The following TENM3 variants were observed in gnomAD, a reference collection of about 807,000 sequenced individuals.
TENM3 encodes the protein teneurin transmembrane protein 3, also known as teneurin-3.
In TENM3, 63 loss-of-function variants were observed where a neutral mutation model predicts 255.1. The ratio of observed to expected loss-of-function variants is 0.25; its 90% CI spans 0.20 to 0.30. The LOEUF (loss-of-function observed/expected upper bound fraction) is 0.30. Ranked by LOEUF, TENM3 falls within the 10% of genes least tolerant of loss-of-function variation. The probability of loss-of-function intolerance (pLI) is 1.00; values close to 1 mark genes in which losing one functional copy is unlikely to be tolerated. For synonymous variants in TENM3, 1,306 were observed against 1,322.3 expected (o/e 0.99, Z 0.27); for missense variants, 2,929 against 3,461.1 (o/e 0.85, Z 3.86).
chr4:181,616,281 C>G, the TENM3 span, among the ~76,000 whole-genome samples: 1 of 84,062 alleles, frequency 1.2e-5, no homozygotes, highest in African/African-American at 4.8e-5. Context: ...TAAAGGTTTC[C>G]AAAAAAAAAA....
rs933077218 is a variant in TENM3, at chr4:182,341,269, C to A, written c.233-5382C>A. On this transcript the variant is annotated intron_variant, in intron 2 of 27. Coordinates refer to ENST00000511685, the MANE Select transcript of TENM3 (RefSeq NM_001080477.4). The stretch of plus-strand genomic sequence containing the variant: ...GTTTTTAAATTATTGAAATAATTAT[C>A]ATGAGAAGTAAAAATTCAAAACTAT... Among the ~76,000 whole-genome samples the A allele has an allele frequency of 1.1e-4, 17 of 152,148 alleles. No homozygotes were observed. The South Asian group carries it at 3.5e-3, about 32-fold the overall frequency.
At chr4:182,696,607 C>T (rs1757444141) in intron 12 of TENM3, among the ~76,000 whole-genome samples, 2 of 152,058 alleles carry the variant, frequency 1.3e-5, no homozygotes, top group African/African-American at 4.8e-5. Flanking sequence ...CGCCTGTAAT[C>T]CCAGCTACTT....
intron 5 of TENM3, among the ~76,000 whole-genome samples, chr4:182,651,558 G>A (rs1293921513): frequency 1.3e-5 from 2 of 152,100 alleles, no homozygotes; most frequent in African/African-American, 2.4e-5. Context: ...TTAGCTGGGC[G>A]TGGCGGCGTG....
intron 3 of TENM3, among the ~76,000 whole-genome samples, chr4:182,534,006 G>A (rs528638232): frequency 9.8e-5 from 15 of 152,292 alleles, no homozygotes; most frequent in African/African-American, 2.9e-4. Context: ...GTAACATTAA[G>A]TGCTTTCAGT....
chr4:181,985,540 T>G, the TENM3 span, among the ~76,000 whole-genome samples: 1 of 152,150 alleles, frequency 6.6e-6, no homozygotes, highest in Non-Finnish European at 1.5e-5. Flanking sequence ...GAGAATCTGA[T>G]GATATACTAA....
upstream of TENM3, among the ~76,000 whole-genome samples, chr4:182,139,876 G>A (rs1749276080): frequency 6.6e-6 from 1 of 152,210 alleles, no homozygotes; most frequent in Admixed American, 6.5e-5. Context: ...GGAGAAGCAT[G>A]GTCCCAATTA....
At chr4:182,387,343 G>A (rs2150958233) in intron 3 of TENM3, among the ~76,000 whole-genome samples, 1 of 152,270 alleles carries the variant, frequency 6.6e-6, no homozygotes, top group Non-Finnish European at 1.5e-5. Flanking sequence ...GAACCTGTGT[G>A]TCCAAACTCT....
the TENM3 span, among the ~76,000 whole-genome samples, chr4:182,061,752 A>G: frequency 3.3e-5 from 5 of 152,070 alleles, no homozygotes; most frequent in Admixed American, 2.0e-4. Context: ...TGGGCCAAGG[A>G]GTTGGAGGCC....
intron 1 of TENM3, among the ~76,000 whole-genome samples, chr4:182,289,691 T>C (rs2150316809): frequency 6.6e-6 from 1 of 152,238 alleles, no homozygotes; most frequent in South Asian, 2.1e-4. Context: ...CTAATAAACA[T>C]TAATTGAGAA....
At chr4:181,716,531 A>G in the TENM3 span, among the ~76,000 whole-genome samples, 3 of 152,172 alleles carry the variant, frequency 2.0e-5, no homozygotes, top group South Asian at 2.1e-4. Flanking sequence ...CACGTAAATA[A>G]GACTTCCTGG....
At chr4:182,212,868 G>C (rs1755148408) in intron 1 of TENM3, among the ~76,000 whole-genome samples, 1 of 152,200 alleles carries the variant, frequency 6.6e-6, no homozygotes, top group African/African-American at 2.4e-5. Context: ...AAATGCCCAA[G>C]AGGTACAACG....
At chr4:182,382,914 T>C (rs1211728135) in intron 3 of TENM3, among the ~76,000 whole-genome samples, 1 of 152,196 alleles carries the variant, frequency 6.6e-6, no homozygotes, top group African/African-American at 2.4e-5. Context: ...GCTACGGTTC[T>C]TACAGTTTTA....
chr4:182,393,088 CA>C (rs1372362791), intron 3 of TENM3, among the ~76,000 whole-genome samples: 1 of 152,196 alleles, frequency 6.6e-6, no homozygotes, highest in Non-Finnish European at 1.5e-5. Context: ...CCATTTCCAT[CA>C]CCGTCTGTGT....
chr4:182,729,922 T>G (rs1760557229), intron 14 of TENM3, among the ~76,000 whole-genome samples: 1 of 152,186 alleles, frequency 6.6e-6, no homozygotes, highest in Non-Finnish European at 1.5e-5. Context: ...GTTTATCATT[T>G]TAAAAATTCA....
the TENM3 span, among the ~76,000 whole-genome samples, chr4:181,684,620 C>T: frequency 6.6e-6 from 1 of 152,152 alleles, no homozygotes; most frequent in African/African-American, 2.4e-5. Flanking sequence ...TCCGATGGGG[C>T]AACCCTTATT....
Position 182,736,866 on chromosome 4 carries a change from C to G in TENM3, c.3026C>G (p.Ser1009Cys). 1 of 1,613,652 alleles carries G rather than the reference C, an allele frequency of 6.2e-7. No homozygotes were observed. The highest frequency in any genetic ancestry group is 1.1e-5 in the South Asian group (1 of 91,068). The change falls in exon 17 of 28, where the codon TCC becomes TGC. Residue 1009 changes from serine (S) to cysteine (C), a missense_variant. Physicochemically the swap from Ser to Cys is moderately radical, Grantham distance 112. Transcript: ENST00000511685. ...GTDLKLSYLS[S>C]RAAGYKSVLK... is the part of the protein sequence containing the mutation. ...GATTTGAAACTCTCCTACTTGAGTT[C>G]CAGAGCTGCAGGGTATAAGTCAGTT...
the TENM3 span, among the ~76,000 whole-genome samples, chr4:181,939,028 CA>C: frequency 6.6e-6 from 1 of 151,766 alleles, no homozygotes; most frequent in Non-Finnish European, 1.5e-5. Context: ...GCTATAAAGA[CA>C]ACTCTATTTT....
chr4:181,834,513 G>T, the TENM3 span, among the ~76,000 whole-genome samples: 2,561 of 152,276 alleles, frequency 0.017, 42 homozygotes, highest in Middle Eastern at 0.048. Context: ...GCGCCAACTG[G>T]CATACGAGCA....
At chr4:181,738,481 C>T in the TENM3 span, among the ~76,000 whole-genome samples, 25 of 152,080 alleles carry the variant, frequency 1.6e-4, no homozygotes, top group Non-Finnish European at 1.8e-4. Context: ...ATGTCCCCAT[C>T]GTCTATAACC....
Sources: allele counts gnomAD v4.1 joint callset (sites outside exome capture counted in the v4.1 genomes callset), GRCh38; gene constraint gnomAD v4.1.1; transcripts MANE v1.5; gene names NCBI Gene and HGNC (gene_info 2026-07-23, HGNC 2026-07-21).